The following SCARF2 variants were observed in gnomAD, a reference collection of about 807,000 sequenced individuals.
SCARF2 encodes scavenger receptor class F member 2, also known as scavenger receptor expressed by endothelial cells 2 protein.
In SCARF2, 39 loss-of-function variants were observed where a neutral mutation model predicts 73.4. The ratio of observed to expected loss-of-function variants is 0.53; its 90% CI spans 0.41 to 0.69. The LOEUF is 0.69. SCARF2 is among the 30% of genes least tolerant of loss of function. The pLI, the probability that SCARF2 is intolerant of heterozygous loss-of-function variation, is 0.00. For synonymous variants in SCARF2, 605 were observed against 590.0 expected, an observed-to-expected ratio of 1.03 and a Z score of -0.37; for missense variants, 1,148 against 1,303.5, an observed-to-expected ratio of 0.88 and a Z score of 1.84.
In SCARF2 at chr22:20,425,616, GC is replaced by G; in HGVS notation, c.2359del (p.Ala787ProfsTer152). ...KTRSLGRAEV[A>X]LGAQGPREKP... ...TTCCCTGGGGCCCTGCGCGCCCAGGGCCACCTCGGCGCGGCCCAGGCTGCGA... is the reference window on the plus strand; with the variant it reads ...TTCCCTGGGGCCCTGCGCGCCCAGGGCACCTCGGCGCGGCCCAGGCTGCGA... On this transcript the variant is annotated frameshift_variant, in exon 11 of 11. Coordinates refer to ENST00000622235, the MANE Select transcript of SCARF2 (RefSeq NM_182895.5). LOFTEE classifies it high-confidence loss of function. This position sits in a 1 kb window ranked among gnomAD's most constrained non-coding sequence, Gnocchi z 4.6. 1 of 1,321,762 alleles carries G rather than the reference GC, an allele frequency of 7.6e-7. No individual in the cohort carries two copies. Among genetic ancestry groups the G allele is most frequent in the South Asian group, 2.0e-5 (1 of 50,854 alleles). 81.9% of individuals were successfully genotyped at this position (1,321,762 alleles called of 1,614,324 possible).
chr22:20,433,788 G>A lies in SCARF2; in HGVS notation c.174-1800C>T, dbSNP rs962502588. 1.2e-4 allele frequency among the ~76,000 whole-genome samples: 19 copies of A among 152,358 alleles called. No homozygotes were observed. The East Asian group carries it at 3.7e-3, about 29-fold the overall frequency. On this transcript the variant is annotated intron_variant, in intron 1 of 10. Transcript: ENST00000622235. ...CACCCACCCAGCCCTGACCCAGGGGGCACCAAGGTGCCCATCTGCAGGGAG... is the reference window on the plus strand; with the variant it reads ...CACCCACCCAGCCCTGACCCAGGGGACACCAAGGTGCCCATCTGCAGGGAG...
Position 20,425,336 on chromosome 22 carries a change from C to A in SCARF2, c.*39G>T, listed in dbSNP as rs2052559124. 1.5e-6 allele frequency: 2 copies of A among 1,345,080 alleles called. No homozygotes were observed. The highest frequency in any genetic ancestry group is 1.9e-6 in the Non-Finnish European group (2 of 1,042,276). 83.3% of individuals were successfully genotyped at this position (1,345,080 alleles called of 1,614,324 possible). A position where few individuals can be genotyped will look rare whatever the true frequency, so the allele number is the denominator to read the frequency against. On this transcript the variant is annotated 3_prime_UTR_variant, in exon 11 of 11. Coordinates refer to ENST00000622235, the MANE Select transcript of SCARF2 (RefSeq NM_182895.5). The surrounding 1 kb of genome is among the most constrained non-coding windows in gnomAD (Gnocchi z 4.6). The stretch of plus-strand genomic sequence containing the variant: ...AGGTGTGGGGTGGCGGGCGGCGCTG[C>A]GAAGCTGAGGGAGCTGCGCGCGGAC...
At chr22:20,437,500 GC>G in intron 1 of SCARF2, 81 bp downstream of exon 1, 1 of 1,411,870 alleles carries the variant, frequency 7.1e-7, no homozygotes, top group African/African-American at 1.5e-5. Context: ...GGTTCCGGTA[GC>G]CCCCTCCCAA....
chr22:20,429,453 G>T lies in SCARF2; in HGVS notation c.1424+83C>A. The T allele has an allele frequency of 6.3e-7, 1 of 1,577,398 alleles. No individual in the cohort carries two copies. On this transcript the variant is annotated intron_variant, in intron 8 of 10. Coordinates refer to ENST00000622235, the MANE Select transcript of SCARF2 (RefSeq NM_182895.5). The surrounding 1 kb of genome is among the most constrained non-coding windows in gnomAD (Gnocchi z 5.2). ...GCGGGGCCACGTCCGGGGCAGGGGC[G>T]CGGAAGGGTTGGATCTGGGTCCGGT... is the stretch of plus-strand genomic sequence containing the variant.
intron 1 of SCARF2, among the ~76,000 whole-genome samples, chr22:20,436,310 G>A (rs1356987393): frequency 1.3e-5 from 2 of 152,196 alleles, no homozygotes; most frequent in East Asian, 1.9e-4. Context: ...CTGGTCCCGG[G>A]CCTGTCTGGG....
rs769729711 is a variant in SCARF2, at chr22:20,425,479, C to T, written c.2497G>A (p.Ala833Thr). Residue 833 changes from alanine (A) to threonine (T), a missense_variant, in exon 11 of 11, where the codon GCG becomes ACG. Physicochemically the swap from Ala to Thr is moderately conservative, Grantham distance 58. Around this residue, in one of 5 missense-constraint regions of SCARF2, gnomAD observed 169 missense variants for 136.9 expected, o/e 1.23. Transcript: ENST00000622235. This position sits in a 1 kb window ranked among gnomAD's most constrained non-coding sequence, Gnocchi z 4.6. ...GPEKAATDLP[A>T]PETPRKKTPI... ...GTCTTCTTCCGGGGGGTCTCAGGCG[C>T]GGGCAAGTCGGTCGCCGCCTTCTCA... is the stretch of plus-strand genomic sequence containing the variant. The T allele has an allele frequency of 6.6e-6, 9 of 1,372,978 alleles. No homozygotes were observed. Among genetic ancestry groups the T allele is most frequent in the Non-Finnish European group, 6.6e-6 (7 of 1,062,788 alleles). 85.0% of individuals were successfully genotyped at this position (1,372,978 alleles called of 1,614,324 possible).
At position 20,431,981 on chromosome 22, in the gene SCARF2, C is replaced by A. The variant is rs1336368762; in HGVS notation, c.181G>T (p.Val61Leu). ...CTCCAGCCAGCGCAGCACGTGGGCACCTGGGAGCTGCGAGCAGAGGGAGGA... is the reference window on the plus strand; with the variant it reads ...CTCCAGCCAGCGCAGCACGTGGGCAACTGGGAGCTGCGAGCAGAGGGAGGA... ...RNVCRAPGSQ[V>L]PTCCAGWRQQ... is the part of the protein sequence containing the mutation. Residue 61 changes from valine (V) to leucine (L), a missense_variant, in exon 2 of 11, where the codon GTG (valine) becomes TTG (leucine). This residue lies in a region of SCARF2 where 124 missense variants were observed against 120.4 expected (regional missense o/e 1.03). Transcript: ENST00000622235. 1.9e-6 allele frequency: 3 copies of A among 1,610,392 alleles called. No individual in the cohort carries two copies. The highest frequency in any genetic ancestry group is 2.5e-6 in the Non-Finnish European group (3 of 1,179,338).
At chr22:20,432,014 G>A in intron 1 of SCARF2, 26 bp from the exon 2 acceptor site, 3 of 1,596,842 alleles carry the variant, frequency 1.9e-6, no homozygotes, top group Non-Finnish European at 2.6e-6. Flanking sequence ...GGACATCTAA[G>A]CCCGATGCCC....
Position 20,430,976 on chromosome 22 carries a change from C to A in SCARF2, c.854+42G>T, listed in dbSNP as rs565686494. ...CACCCCTGTCCCCATCGGCGGCCCG[C>A]CCTTCCACCTCCTCCCTCCCTGGCC... is the stretch of plus-strand genomic sequence containing the variant. On this transcript the variant is annotated intron_variant, in intron 4 of 10. Coordinates refer to ENST00000622235, the MANE Select transcript of SCARF2 (RefSeq NM_182895.5). 4.4e-4 allele frequency: 682 copies of A among 1,567,090 alleles called. 11 individuals carry two copies. The South Asian group carries it at 7.4e-3, about 17-fold the overall frequency.
chr22:20,437,015 C>G (rs1054187577), intron 1 of SCARF2, among the ~76,000 whole-genome samples: 10 of 152,194 alleles, frequency 6.6e-5, no homozygotes, highest in African/African-American at 2.4e-4. Context: ...AGTCCTTCCG[C>G]CTCCCGCTTC....
chr22:20,428,837 G>T (rs2052609337), intron 9 of SCARF2, among the ~76,000 whole-genome samples: 1 of 152,076 alleles, frequency 6.6e-6, no homozygotes, highest in African/African-American at 2.4e-5. Flanking sequence ...AGGAGGGTGG[G>T]TCCTCTCCGT....
At chr22:20,436,916 C>T (rs1309033936) in intron 1 of SCARF2, among the ~76,000 whole-genome samples, 1 of 152,212 alleles carries the variant, frequency 6.6e-6, no homozygotes, top group Admixed American at 6.5e-5. Flanking sequence ...AGCCGGCGCC[C>T]CACATTTGCG....
intron 6 of SCARF2, chr22:20,430,056 G>A (rs1252342981): frequency 4.8e-6 from 3 of 623,802 alleles, no homozygotes; most frequent in Non-Finnish European, 2.8e-6. Context: ...GGGGGGCCTG[G>A]GGGATAGGAC....
chr22:20,437,264 C>T (rs1452118265), intron 1 of SCARF2, among the ~76,000 whole-genome samples: 2 of 152,236 alleles, frequency 1.3e-5, no homozygotes, highest in Admixed American at 1.3e-4. Context: ...CCAGCTTTTC[C>T]CCGTGGACTT....
chr22:20,425,792 C>T lies in SCARF2; in HGVS notation c.2184G>A (p.Glu728=), dbSNP rs185252842. The T allele has an allele frequency of 5.1e-3, 7,482 of 1,459,820 alleles. 330 individuals are homozygous for T. In the African/African-American group the frequency reaches 0.095, roughly 19 times the overall value. The allele number at this position is 1,459,820 out of a possible 1,614,324, so 90.4% of individuals were successfully genotyped here. ...DPTPRPPGLP[E]EATALAAPSP... The stretch of plus-strand genomic sequence containing the variant: ...AGGGCGCAGCGAGGGCTGTCGCCTC[C>T]TCGGGCAGCCCGGGGGGCCGCGGCG... The change falls in exon 11 of 11, where the codon GAG becomes GAA. Residue 728 remains glutamate (E), a synonymous_variant. Coordinates refer to ENST00000622235, the MANE Select transcript of SCARF2 (RefSeq NM_182895.5). The surrounding 1 kb of genome is among the most constrained non-coding windows in gnomAD (Gnocchi z 4.6).
intron 1 of SCARF2, among the ~76,000 whole-genome samples, chr22:20,437,231 T>G (rs1406325793): frequency 6.6e-6 from 1 of 152,206 alleles, no homozygotes; most frequent in African/African-American, 2.4e-5. Flanking sequence ...CACATGCAGT[T>G]CCTTTGGCTT....
At position 20,425,821 on chromosome 22, in the gene SCARF2, G is replaced by C. The variant is rs768240915; in HGVS notation, c.2155C>G (p.Pro719Ala). The C allele has an allele frequency of 1.0e-5, 16 of 1,547,490 alleles. No homozygotes were observed. Among genetic ancestry groups the C allele is most frequent in the Non-Finnish European group, 1.1e-5 (13 of 1,153,388 alleles). Reference sequence around the variant, plus strand: ...GGCAGCCCGGGGGGCCGCGGCGTTGGGTCGCGGGTCCGGGGGCTGCCGTGT... The same window carrying C: ...GGCAGCCCGGGGGGCCGCGGCGTTGCGTCGCGGGTCCGGGGGCTGCCGTGT... ...VEHGSPRTRDPTPRPPGLPEE... is the reference protein window; with the variant it reads ...VEHGSPRTRDATPRPPGLPEE... Residue 719 changes from proline (P) to alanine (A), a missense_variant, in exon 11 of 11, where the codon CCA (proline) becomes GCA (alanine). Coordinates refer to ENST00000622235, the MANE Select transcript of SCARF2 (RefSeq NM_182895.5). The surrounding 1 kb of genome is among the most constrained non-coding windows in gnomAD (Gnocchi z 4.6).
rs767274143 is a variant in SCARF2, at chr22:20,427,461, G to A, written c.1630C>T (p.Arg544Trp). 1.5e-5 allele frequency: 24 copies of A among 1,614,202 alleles called. No homozygotes were observed. Among genetic ancestry groups the A allele is most frequent in the East Asian group, 2.2e-5 (1 of 44,894 alleles). The change falls in exon 10 of 11, where the codon CGG (arginine) becomes TGG (tryptophan). Residue 544 changes from arginine (R) to tryptophan (W), a missense_variant. Physicochemically the swap from Arg to Trp is moderately radical, Grantham distance 101. This residue lies in a region of SCARF2 where 437 missense variants were observed against 433.6 expected (regional missense o/e 1.01). Coordinates refer to ENST00000622235, the MANE Select transcript of SCARF2 (RefSeq NM_182895.5). ...GTGTCAAACGAGGAGAAGGAGGCCC[G>A]AGAGGACCAGGATGGTGAGGGCTGC... ...LEQPSPSWSS[R>W]ASFSSFDTTD...
In SCARF2 at chr22:20,430,549, G is replaced by A. The variant is rs2052632014; in HGVS notation, c.1082C>T (p.Thr361Ile). The A allele has an allele frequency of 1.9e-6, 3 of 1,611,830 alleles. No individual in the cohort carries two copies. The highest frequency in any genetic ancestry group is 1.7e-6 in the Non-Finnish European group (2 of 1,179,292). Reference protein sequence around the residue: ...NAGWIGDRCETKCSNGTYGED... With the variant: ...NAGWIGDRCEIKCSNGTYGED... ...GCCGTAAGTGCCATTGCTACACTTG[G>A]TCTCGCACCTTGGAAAGAGGGGAGG... Residue 361 changes from threonine to isoleucine, a missense_variant, in exon 6 of 11, where the codon ACC becomes ATC. Physicochemically the swap from Thr to Ile is moderately conservative, Grantham distance 89 (BLOSUM62 -1). Around this residue, in one of 5 missense-constraint regions of SCARF2, gnomAD observed 372 missense variants for 532.0 expected, o/e 0.70. Transcript: ENST00000622235.
Sources: allele counts gnomAD v4.1 joint callset (sites outside exome capture counted in the v4.1 genomes callset), GRCh38; gene constraint gnomAD v4.1.1; regional missense constraint gnomAD v4.1.1; non-coding constraint Gnocchi (gnomAD v3.1); transcripts MANE v1.5; gene names NCBI Gene and HGNC (gene_info 2026-07-23, HGNC 2026-07-21).